CUBN: variants seen among roughly 807,000 people sequenced by gnomAD.
The protein encoded by CUBN is cubilin, also known as 460 kDa receptor.
CUBN carries 282 observed loss-of-function variants against 405.3 expected under a neutral mutation model. The ratio of observed to expected loss-of-function variants is 0.70; its 90% CI spans 0.63 to 0.77. The LOEUF is 0.77. CUBN is among the 30% of genes least tolerant of loss of function. The probability of loss-of-function intolerance (pLI) is 0.00; values close to 1 mark genes in which losing one functional copy is unlikely to be tolerated. For synonymous variants in CUBN, 1,684 were observed against 1,617.0 expected, an observed-to-expected ratio of 1.04 and a Z score of -0.99; for missense variants, 4,514 against 4,475.2, an observed-to-expected ratio of 1.01 and a Z score of -0.25.
At position 16,937,735 on chromosome 10, in the gene CUBN, C is replaced by T; in HGVS notation, c.5783G>A (p.Gly1928Asp). Residue 1928 changes from glycine (G) to aspartate (D), a missense_variant, in exon 39 of 67, where the codon GGT becomes GAT. Around this residue, in one of 5 missense-constraint regions of CUBN, gnomAD observed 1,613 missense variants for 1,542.8 expected, o/e 1.05. Transcript: ENST00000377833. ...GGAGCTGAAAGATTCAGTCTGGGTA[C>T]CACAGTAAGCTCCAATTAGGCGGGC... is the stretch of plus-strand genomic sequence containing the variant. ...IHARLIGAYC[G>D]TQTESFSSTG... The T allele has an allele frequency of 4.3e-6, 7 of 1,613,968 alleles. No individual in the cohort carries two copies. The highest frequency in any genetic ancestry group is 1.1e-5 in the South Asian group (1 of 91,062).
At chr10:17,077,002 G>C (rs775048936) in intron 17 of CUBN, among the ~76,000 whole-genome samples, 52 of 152,178 alleles carry the variant, frequency 3.4e-4, no homozygotes, top group Admixed American at 1.2e-3. Flanking sequence ...CAATATCTGA[G>C]TCTGGTTTGT....
At position 16,937,812 on chromosome 10, in the gene CUBN, T is replaced by A. The variant is rs199895831; in HGVS notation, c.5734-28A>T. 3.2e-6 allele frequency: 5 copies of A among 1,576,022 alleles called. No individual in the cohort carries two copies. In the African/African-American group the frequency reaches 6.8e-5, roughly 21 times the overall value. On this transcript the variant is annotated intron_variant, in intron 38 of 66. Coordinates refer to ENST00000377833, the MANE Select transcript of CUBN (RefSeq NM_001081.4). ...GTACATAAAAACAGATAATAGAGCA[T>A]TGTATTATCTATATTTTTCTTCATA... is the stretch of plus-strand genomic sequence containing the variant.
At chr10:17,055,686 TA>T (rs754976862) in intron 22 of CUBN, among the ~76,000 whole-genome samples, 4 of 152,162 alleles carry the variant, frequency 2.6e-5, no homozygotes, top group Middle Eastern at 3.4e-3. Flanking sequence ...TATAATAGCA[TA>T]AAAACACGAA....
intron 27 of CUBN, among the ~76,000 whole-genome samples, chr10:17,034,610 G>A (rs181703984): frequency 1.3e-5 from 2 of 152,270 alleles, no homozygotes; most frequent in Non-Finnish European, 2.9e-5. Flanking sequence ...CTGGGATGAG[G>A]ACTAGGAATA....
rs374241024 is a variant in CUBN, at chr10:16,893,915, T to C, written c.8599-3388A>G. Among the ~76,000 whole-genome samples, 5 of 152,182 alleles carry C rather than the reference T, an allele frequency of 3.3e-5. No individual in the cohort carries two copies. In the East Asian group the frequency reaches 5.8e-4, roughly 18 times the overall value. ...TGGTAAATATTATGCAATTGGTAAA[T>C]ATTTGTCTTCGAATAGGTGTGTAGT... On this transcript the variant is annotated intron_variant, in intron 54 of 66. Coordinates refer to ENST00000377833, the MANE Select transcript of CUBN (RefSeq NM_001081.4).
At chr10:16,879,225 T>C (rs1840601361) in intron 56 of CUBN, among the ~76,000 whole-genome samples, 1 of 152,254 alleles carries the variant, frequency 6.6e-6, no homozygotes, top group Non-Finnish European at 1.5e-5. Context: ...TGCCAACATT[T>C]GACATTGTCA....
intron 65 of CUBN, among the ~76,000 whole-genome samples, chr10:16,830,189 G>C (rs986334392): frequency 3.3e-5 from 5 of 152,098 alleles, no homozygotes; most frequent in African/African-American, 1.2e-4. Flanking sequence ...ACCCACCTTG[G>C]TCTCCCAGGG....
At chr10:16,856,491 T>C (rs1839871875) in intron 59 of CUBN, among the ~76,000 whole-genome samples, 1 of 152,206 alleles carries the variant, frequency 6.6e-6, no homozygotes, top group Admixed American at 6.5e-5. Context: ...AACCGAATCC[T>C]GAATTATTAC....
intron 60 of CUBN, among the ~76,000 whole-genome samples, chr10:16,846,854 C>T (rs1047390540): frequency 6.7e-5 from 9 of 134,030 alleles, no homozygotes; most frequent in Admixed American, 1.5e-4. Context: ...AAAAGGGGCA[C>T]GGATGGGGTT....
At chr10:17,104,698 A>C (rs944151792) in intron 11 of CUBN, 93 bp from the exon 12 acceptor site, 11 of 341,028 alleles carry the variant, frequency 3.2e-5, no homozygotes, top group Non-Finnish European at 5.4e-5. Context: ...TGCCATGGAG[A>C]TATATAATAT....
intron 22 of CUBN, among the ~76,000 whole-genome samples, chr10:17,060,113 GT>G (rs1835472392): frequency 6.8e-6 from 1 of 146,030 alleles, no homozygotes; most frequent in African/African-American, 2.7e-5. Context: ...ACAATCCCTG[GT>G]TTTTCTTTTC....
intron 13 of CUBN, among the ~76,000 whole-genome samples, chr10:17,100,484 C>T (rs1380545209): frequency 1.3e-5 from 2 of 152,240 alleles, no homozygotes; most frequent in South Asian, 4.1e-4. Flanking sequence ...CATAGATTTA[C>T]CCCAATTTCA....
At chr10:17,065,476 A>G (rs1201024603) in intron 22 of CUBN, 32 bp downstream of exon 22, 6 of 1,611,870 alleles carry the variant, frequency 3.7e-6, no homozygotes, top group Non-Finnish European at 4.2e-6. Flanking sequence ...AATGGAGTCA[A>G]TAAAACCGAG....
intron 31 of CUBN, among the ~76,000 whole-genome samples, chr10:16,963,196 CT>C (rs200023246): frequency 0.031 from 2,637 of 83,934 alleles, 51 homozygotes; most frequent in South Asian, 0.17. Flanking sequence ...TCTTTTTTTT[CT>C]TTTTTTTTTT....
At chr10:17,049,728 C>A (rs77742099) in intron 22 of CUBN, among the ~76,000 whole-genome samples, 6 of 152,144 alleles carry the variant, frequency 3.9e-5, no homozygotes, top group Non-Finnish European at 5.9e-5. Flanking sequence ...ACCCGCCACC[C>A]AACAACCCCT....
intron 27 of CUBN, among the ~76,000 whole-genome samples, chr10:17,039,279 T>C (rs561574374): frequency 6.6e-6 from 1 of 152,328 alleles, no homozygotes; most frequent in East Asian, 1.9e-4. Flanking sequence ...TAGGAGGTCG[T>C]ACAAAAACGC....
At chr10:17,010,210 T>C (rs1213335720) in intron 28 of CUBN, among the ~76,000 whole-genome samples, 1 of 152,230 alleles carries the variant, frequency 6.6e-6, no homozygotes, top group Non-Finnish European at 1.5e-5. Context: ...TCTCCTGACC[T>C]TTCTGTCTCT....
At chr10:16,888,677 A>T in intron 55 of CUBN, 111 bp from the exon 56 acceptor site, 1 of 894,500 alleles carries the variant, frequency 1.1e-6, no homozygotes, top group South Asian at 1.3e-5. Flanking sequence ...GTTCCCTGAG[A>T]TATTCCAAAT....
chr10:17,043,451 G>T (rs1006156235), intron 26 of CUBN, among the ~76,000 whole-genome samples: 1 of 152,192 alleles, frequency 6.6e-6, no homozygotes, highest in African/African-American at 2.4e-5. Flanking sequence ...AGATTGCAAT[G>T]TGTGAGGCAA....
Sources: gnomAD v4.1 joint callset for allele counts (sites outside exome capture counted in the v4.1 genomes callset) on GRCh38, gnomAD v4.1.1 for gene constraint, gnomAD v4.1.1 regional missense constraint, MANE v1.5 for transcripts, NCBI Gene and HGNC (gene_info 2026-07-23, HGNC 2026-07-21) for gene names.